IRF4: variants seen among roughly 807,000 people sequenced by gnomAD.
IRF4 encodes the protein lymphocyte-specific interferon regulatory factor.
Under a neutral mutation model 55.5 loss-of-function variants are expected in IRF4, and 13 were observed. The ratio of observed to expected loss-of-function variants is 0.23; its 90% CI spans 0.15 to 0.37. The LOEUF is 0.37. Ranked by LOEUF, IRF4 falls within the 10% of genes least tolerant of loss-of-function variation. The probability of loss-of-function intolerance (pLI) is 1.00; values close to 1 mark genes in which losing one functional copy is unlikely to be tolerated. For synonymous variants in IRF4, 249 were observed against 240.7 expected, an observed-to-expected ratio of 1.03 and a Z score of -0.32; for missense variants, 397 against 593.8, an observed-to-expected ratio of 0.67 and a Z score of 3.44.
chr6:404,913 T>C, intron 7 of IRF4, 105 bp from the exon 8 acceptor site: 2 of 713,416 alleles, frequency 2.8e-6, no homozygotes, highest in Non-Finnish European at 5.0e-6. Context: ...TGCTCATTCC[T>C]CTTGCAGTGT....
At chr6:398,800 A>G in intron 5 of IRF4, 28 bp from the exon 6 acceptor site, 2 of 1,528,578 alleles carry the variant, frequency 1.3e-6, no homozygotes, top group Non-Finnish European at 1.8e-6. Flanking sequence ...CTGTCTAGAC[A>G]TCATCTGATT....
Position 392,783 on chromosome 6 carries a change from G to A in IRF4, c.-55-315G>A, listed in dbSNP as rs9501998. Among the ~76,000 whole-genome samples the A allele has an allele frequency of 0.089, 13,493 of 152,278 alleles. 1,055 individuals are homozygous for A. Among genetic ancestry groups the A allele is most frequent in the East Asian group, 0.24 (1,263 of 5,174 alleles). On this transcript the variant is annotated intron_variant, in intron 1 of 8. Coordinates refer to ENST00000380956, the MANE Select transcript of IRF4 (RefSeq NM_002460.4). Reference sequence around the variant, plus strand: ...GAGGGCCAGGAGGGGTGGCGGCTGGGTGGGGAGAGAGGGTGCAAGACGAGC... The same window carrying A: ...GAGGGCCAGGAGGGGTGGCGGCTGGATGGGGAGAGAGGGTGCAAGACGAGC...
At position 409,691 on chromosome 6, in the gene IRF4, T is replaced by C. The variant is rs1032979288; in HGVS notation, c.*2093T>C. 4 of 224,504 alleles carry C rather than the reference T, an allele frequency of 1.8e-5. No individual in the cohort carries two copies. Among genetic ancestry groups the C allele is most frequent in the Admixed American group, 1.1e-4 (2 of 17,426 alleles). 13.9% of individuals were successfully genotyped at this position (224,504 alleles called of 1,614,324 possible). ...CAAAGTATTTTGGGGTATATTATCC[T>C]AAGGGAAGATAAAGATGATATTAAG... On this transcript the variant is annotated 3_prime_UTR_variant, in exon 9 of 9. Transcript: ENST00000380956.
chr6:393,303 C>T lies in IRF4; in HGVS notation c.151C>T (p.Arg51Cys). The T allele has an allele frequency of 6.2e-7, 1 of 1,608,080 alleles. No homozygotes were observed. ...VWENEEKSIFRIPWKHAGKQD... is the reference protein window; with the variant it reads ...VWENEEKSIFCIPWKHAGKQD... Reference sequence around the variant, plus strand: ...GGAGAACGAGGAGAAGAGCATCTTCCGCATCCCCTGGAAGCACGCGGGCAA... The same window carrying T: ...GGAGAACGAGGAGAAGAGCATCTTCTGCATCCCCTGGAAGCACGCGGGCAA... Residue 51 changes from arginine to cysteine, a missense_variant, in exon 2 of 9, where the codon CGC (arginine) becomes TGC (cysteine). Arg to Cys is a radical substitution (Grantham distance 180). Around this residue, in one of 3 missense-constraint regions of IRF4, gnomAD observed 341 missense variants for 548.1 expected, o/e 0.62. Transcript: ENST00000380956. The surrounding 1 kb of genome is among the most constrained non-coding windows in gnomAD (Gnocchi z 5.4).
intron 8 of IRF4, among the ~76,000 whole-genome samples, chr6:406,409 G>T (rs1581231564): frequency 6.6e-6 from 1 of 152,114 alleles, no homozygotes; most frequent in African/African-American, 2.4e-5. Context: ...GGGCGTGGTG[G>T]TGCGCACCTG....
Position 407,281 on chromosome 6 carries a change from AG to A in IRF4, c.1213-172del, listed in dbSNP as rs532954050. 2.0e-3 allele frequency among the ~76,000 whole-genome samples: 302 copies of A among 152,346 alleles called. 1 individual carries two copies. The highest frequency in any genetic ancestry group is 0.013 in the South Asian group (64 of 4,830). On this transcript the variant is annotated intron_variant, in intron 8 of 8. Transcript: ENST00000380956. ...GTTTTTTTACATGTTGATCTATGGA[AG>A]GACTAACCAAAAAATTGCTTCTTTA...
chr6:394,941 C>A lies in IRF4; in HGVS notation c.337C>A (p.Arg113=). 1.9e-6 allele frequency: 3 copies of A among 1,614,124 alleles called. No homozygotes were observed. Among genetic ancestry groups the A allele is most frequent in the Non-Finnish European group, 2.5e-6 (3 of 1,180,022 alleles). The change falls in exon 3 of 9, where the codon CGG becomes AGG. Residue 113 remains arginine (R), a synonymous_variant. Coordinates refer to ENST00000380956, the MANE Select transcript of IRF4 (RefSeq NM_002460.4). ...CAATGACTTTGAGGAACTGGTTGAG[C>A]GGAGCCAGCTGGACATCTCAGACCC... ...KSNDFEELVE[R]SQLDISDPYK...
At chr6:404,873 C>T (rs1242299790) in intron 7 of IRF4, 145 bp from the exon 8 acceptor site, 9 of 604,332 alleles carry the variant, frequency 1.5e-5, no homozygotes, top group Non-Finnish European at 2.7e-5. Flanking sequence ...GAGATGTTCA[C>T]ATCAAGAGCC....
rs190687454 is a variant in IRF4 at position 401,921 on chromosome 6, A to C, written c.1099+144A>C. ...CCCACTGGGCTTGGGGCTTGACTCC[A>C]GTAGAGATCTTCTGTCTGGCTCTGT... On this transcript the variant is annotated intron_variant, in intron 7 of 8. Coordinates refer to ENST00000380956, the MANE Select transcript of IRF4 (RefSeq NM_002460.4). 681 of 655,140 alleles carry C rather than the reference A, an allele frequency of 1.0e-3. 6 individuals are homozygous for C. The highest frequency in any genetic ancestry group is 7.1e-3 in the South Asian group (381 of 53,718). 40.6% of individuals were successfully genotyped at this position (655,140 alleles called of 1,614,324 possible).
intron 8 of IRF4, 39 bp downstream of exon 8, chr6:405,169 GTTC>G (rs747248627): frequency 3.5e-6 from 4 of 1,134,034 alleles, no homozygotes; most frequent in Non-Finnish European, 5.3e-6. Context: ...GTGGCTTCCT[GTTC>G]TTTGTAAAGG....
Position 393,296 on chromosome 6 carries a change from C to T in IRF4, c.144C>T (p.Ser48=), listed in dbSNP as rs1323052445. ...PGLVWENEEK[S]IFRIPWKHAG... ...TGGTGTGGGAGAACGAGGAGAAGAG[C>T]ATCTTCCGCATCCCCTGGAAGCACG... Residue 48 remains serine, a synonymous_variant, in exon 2 of 9, where the codon AGC becomes AGT. Transcript: ENST00000380956. This position sits in a 1 kb window ranked among gnomAD's most constrained non-coding sequence, Gnocchi z 5.4. 1.9e-6 allele frequency: 3 copies of T among 1,607,436 alleles called. No homozygotes were observed. Among genetic ancestry groups the T allele is most frequent in the East Asian group, 2.2e-5 (1 of 44,640 alleles).
In IRF4 at chr6:408,247, G is replaced by C. The variant is rs534873545; in HGVS notation, c.*649G>C. 3.3e-4 allele frequency: 77 copies of C among 232,342 alleles called. No individual in the cohort carries two copies. Among genetic ancestry groups the C allele is most frequent in the African/African-American group, 1.7e-3 (75 of 45,382 alleles). The allele number at this position is 232,342 out of a possible 1,614,324, so 14.4% of individuals were successfully genotyped here. A position where few individuals can be genotyped will look rare whatever the true frequency, so the allele number is the denominator to read the frequency against. On this transcript the variant is annotated 3_prime_UTR_variant, in exon 9 of 9. Coordinates refer to ENST00000380956, the MANE Select transcript of IRF4 (RefSeq NM_002460.4). ...TCACACGTAAAAGAAATGTATTAATGTATGTAGGAGCTGCAGTTCTTGTGG... is the reference window on the plus strand; with the variant it reads ...TCACACGTAAAAGAAATGTATTAATCTATGTAGGAGCTGCAGTTCTTGTGG...
intron 8 of IRF4, among the ~76,000 whole-genome samples, chr6:406,177 TAAC>T (rs1378858172): frequency 6.6e-6 from 1 of 152,262 alleles, no homozygotes; most frequent in African/African-American, 2.4e-5. Flanking sequence ...GTTGAAATAA[TAAC>T]TGATACATTG....
At chr6:399,028 CACTT>C in intron 6 of IRF4, 93 bp downstream of exon 6, 1 of 790,480 alleles carries the variant, frequency 1.3e-6, no homozygotes, top group Non-Finnish European at 2.0e-6. Flanking sequence ...GGACTTTAGA[CACTT>C]GCTTTGCTCC....
intron 6 of IRF4, among the ~76,000 whole-genome samples, chr6:399,770 T>C (rs950498773): frequency 5.3e-5 from 8 of 152,228 alleles, no homozygotes; most frequent in African/African-American, 1.9e-4. Flanking sequence ...GTGGCACTTT[T>C]GCTGCTCAGA....
At chr6:397,003 C>T (rs1487729909) in intron 4 of IRF4, 105 bp from the exon 5 acceptor site, 1 of 1,260,780 alleles carries the variant, frequency 7.9e-7, no homozygotes. Flanking sequence ...CACTCCTTTA[C>T]CCCCGTCTCG....
In IRF4 at chr6:399,065, A is replaced by G. The variant is rs1009510726; in HGVS notation, c.745+130A>G. ...TCCCTCTGGGGTCTGGAGTAGATGT[A>G]GACACATCCTGTGTGTGAGGTGACC... On this transcript the variant is annotated intron_variant, in intron 6 of 8. Transcript: ENST00000380956. 1.3e-5 allele frequency: 7 copies of G among 536,600 alleles called. No individual in the cohort carries two copies. The Admixed American group carries it at 2.1e-4, about 16-fold the overall frequency. 33.2% of individuals were successfully genotyped at this position (536,600 alleles called of 1,614,324 possible). A position where few individuals can be genotyped will look rare whatever the true frequency, so the allele number is the denominator to read the frequency against.
chr6:393,640 C>CA lies in IRF4; in HGVS notation c.216+275dup, dbSNP rs1761180379. On this transcript the variant is annotated intron_variant, in intron 2 of 8. Transcript: ENST00000380956. This position sits in a 1 kb window ranked among gnomAD's most constrained non-coding sequence, Gnocchi z 5.4. ...CCGGCCGGGCCCGGGGAAGGGCGGCCAAAGGCTTGAGGGGTTTTGCGCGTT... is the reference window on the plus strand; with the variant it reads ...CCGGCCGGGCCCGGGGAAGGGCGGCCAAAAGGCTTGAGGGGTTTTGCGCGTT... Among the ~76,000 whole-genome samples the CA allele has an allele frequency of 2.0e-5, 3 of 152,130 alleles. No individual in the cohort carries two copies. The highest frequency in any genetic ancestry group is 7.2e-5 in the African/African-American group (3 of 41,444).
In IRF4 at chr6:396,038, G is replaced by A. The variant is rs146632238; in HGVS notation, c.492+103G>A. ...GCCCAGACAGCAGAACTTGCCATTTGCTATGGCTGCTCCAACAGCCCAGAA... is the reference window on the plus strand; with the variant it reads ...GCCCAGACAGCAGAACTTGCCATTTACTATGGCTGCTCCAACAGCCCAGAA... On this transcript the variant is annotated intron_variant, in intron 4 of 8. Transcript: ENST00000380956. 9.8e-4 allele frequency: 830 copies of A among 845,054 alleles called. 11 individuals carry two copies. The African/African-American group carries it at 0.013, about 13-fold the overall frequency. The allele number at this position is 845,054 out of a possible 1,614,324, so 52.3% of individuals were successfully genotyped here.
Sources: allele counts gnomAD v4.1 joint callset (sites outside exome capture counted in the v4.1 genomes callset), GRCh38; gene constraint gnomAD v4.1.1; regional missense constraint gnomAD v4.1.1; non-coding constraint Gnocchi (gnomAD v3.1); transcripts MANE v1.5; gene names NCBI Gene and HGNC (gene_info 2026-07-23, HGNC 2026-07-21).